Variants in DPRX observed in about 807,000 individuals in gnomAD.
DPRX encodes divergent-paired related homeobox.
DPRX carries 11 observed loss-of-function variants against 8.4 expected under a neutral mutation model. The observed-to-expected ratio is 1.31, with a 90% CI of 0.82 to 2.17. The LOEUF is 2.17. Ranked by LOEUF, DPRX falls within the 30% of genes most tolerant of loss-of-function variation. DPRX has a pLI of 0.00. For synonymous variants in DPRX, 72 were observed against 87.0 expected (o/e 0.83, Z 0.96); for missense variants, 211 against 236.7 (o/e 0.89, Z 0.71).
upstream of DPRX, among the ~76,000 whole-genome samples, chr19:53,630,415 G>T (rs1009522275): frequency 2.0e-5 from 3 of 151,930 alleles, no homozygotes; most frequent in Non-Finnish European, 4.4e-5. Flanking sequence ...AGCTGGGTAT[G>T]GTAGTGTGCA....
chr19:53,617,984 A>G, the DPRX span, among the ~76,000 whole-genome samples: 1 of 151,838 alleles, frequency 6.6e-6, no homozygotes, highest in Non-Finnish European at 1.5e-5. Context: ...CTAAAAATAC[A>G]AAAATTAGCC....
chr19:53,622,382 A>G, the DPRX span, among the ~76,000 whole-genome samples: 1 of 152,216 alleles, frequency 6.6e-6, no homozygotes, highest in African/African-American at 2.4e-5. Context: ...CATGCCTACA[A>G]TCCCAGCATT....
chr19:53,629,479 C>G (rs942540844), upstream of DPRX, among the ~76,000 whole-genome samples: 1 of 149,866 alleles, frequency 6.7e-6, no homozygotes, highest in Non-Finnish European at 1.5e-5. Context: ...TGGGCTCAAG[C>G]GATCCTCCCT....
the DPRX span, among the ~76,000 whole-genome samples, chr19:53,604,232 G>A: frequency 1.3e-5 from 2 of 151,980 alleles, no homozygotes; most frequent in South Asian, 2.1e-4. Flanking sequence ...GGTACTATCC[G>A]CGGTTTCGGG....
the DPRX span, chr19:53,608,458 C>G: frequency 6.6e-6 from 1 of 152,526 alleles, no homozygotes; most frequent in East Asian, 1.9e-4. Flanking sequence ...CTGTGGGAAA[C>G]ATGGAATATC....
intron 2 of DPRX, among the ~76,000 whole-genome samples, chr19:53,635,608 T>C (rs1349723401): frequency 6.6e-6 from 1 of 152,100 alleles, no homozygotes; most frequent in East Asian, 1.9e-4. Context: ...CTCAAACTCC[T>C]GAAATCAAGT....
the DPRX span, chr19:53,601,480 A>G: frequency 6.1e-6 from 2 of 326,356 alleles, no homozygotes; most frequent in Admixed American, 3.9e-5. Context: ...TTCAATGCCT[A>G]TTCTTTTTTT....
At chr19:53,620,853 C>CA in the DPRX span, among the ~76,000 whole-genome samples, 23 of 152,192 alleles carry the variant, frequency 1.5e-4, no homozygotes, top group Non-Finnish European at 2.5e-4. Context: ...CTCAGCCGCC[C>CA]AAAGTGCTGG....
At chr19:53,617,554 G>A in the DPRX span, among the ~76,000 whole-genome samples, 4 of 112,472 alleles carry the variant, frequency 3.6e-5, no homozygotes, top group Middle Eastern at 5.7e-3. Flanking sequence ...GTAAATCTCC[G>A]TCTCACCAAA....
chr19:53,603,563 G>T, the DPRX span: 1 of 373,506 alleles, frequency 2.7e-6, no homozygotes, highest in Non-Finnish European at 5.5e-6. Context: ...ATTAGAGAGA[G>T]TAGGGCAAGA....
upstream of DPRX, chr19:53,631,949 T>C: frequency 1.1e-6 from 1 of 933,034 alleles, no homozygotes; most frequent in Non-Finnish European, 1.7e-6. Flanking sequence ...CAGGGGGCTC[T>C]GGAGGACCGA....
chr19:53,633,804 G>A (rs1047858070), intron 1 of DPRX, among the ~76,000 whole-genome samples: 5 of 150,976 alleles, frequency 3.3e-5, no homozygotes, highest in African/African-American at 4.9e-5. Flanking sequence ...CACTGTGCCC[G>A]GCCAAATTTT....
the DPRX span, among the ~76,000 whole-genome samples, chr19:53,617,585 A>G: frequency 2.6e-5 from 4 of 151,814 alleles, no homozygotes; most frequent in African/African-American, 9.7e-5. Flanking sequence ...AGAAAAAAAA[A>G]AAGAAATCAG....
At chr19:53,602,286 GTGTGTGTGTGTGT>G in the DPRX span, 1 of 351,720 alleles carries the variant, frequency 2.8e-6, no homozygotes, top group Non-Finnish European at 5.6e-6. Flanking sequence ...GTGTGTGTGT[GTGTGTGTGTGTGT>G]GTGTGTGTGT....
chr19:53,601,690 C>T, the DPRX span, among the ~76,000 whole-genome samples: 3 of 152,032 alleles, frequency 2.0e-5, no homozygotes, highest in Non-Finnish European at 4.4e-5. Context: ...CCATGTTGGT[C>T]AGGCTGGTCC....
upstream of DPRX, chr19:53,629,645 A>G (rs2091083946): frequency 6.6e-6 from 1 of 151,794 alleles, no homozygotes; most frequent in African/African-American, 2.4e-5. Context: ...CTATCACAAG[A>G]TAAAAATGTG....
At chr19:53,622,362 C>T in the DPRX span, among the ~76,000 whole-genome samples, 1 of 152,156 alleles carries the variant, frequency 6.6e-6, no homozygotes, top group South Asian at 2.1e-4. Context: ...AGGGGCTGGG[C>T]GTGGTGGTTC....
At chr19:53,630,838 G>A (rs944046772), upstream of DPRX, among the ~76,000 whole-genome samples, 2 of 151,612 alleles carry the variant, frequency 1.3e-5, no homozygotes, top group African/African-American at 4.8e-5. Context: ...TCTGAAAGGT[G>A]TTGCAGCTTT....
the DPRX span, among the ~76,000 whole-genome samples, chr19:53,610,151 C>CAAAAAA: frequency 0.36 from 28,187 of 77,282 alleles, 5,859 homozygotes; most frequent in Admixed American, 0.45. Flanking sequence ...AACTGTGTCT[C>CAAAAAA]AAAAAAAAAA....
Sources: allele counts gnomAD v4.1 joint callset (sites outside exome capture counted in the v4.1 genomes callset), GRCh38; gene constraint gnomAD v4.1.1; transcripts MANE v1.5; gene names NCBI Gene and HGNC (gene_info 2026-07-23, HGNC 2026-07-21).